PACS2: variants seen among roughly 807,000 people sequenced by gnomAD.
The protein encoded by PACS2 is phosphofurin acidic cluster sorting protein 2.
PACS2 carries 36 observed loss-of-function variants against 113.0 expected under a neutral mutation model. That is an observed-to-expected ratio of 0.32 (90% CI 0.24 to 0.42). The LOEUF (loss-of-function observed/expected upper bound fraction) is 0.42. PACS2 is among the 10% of genes least tolerant of loss of function. The pLI is 1.00. For missense variants in PACS2, 1,015 were observed against 1,239.5 expected, an observed-to-expected ratio of 0.82 and a Z score of 2.72; for synonymous variants, 589 against 536.1, an observed-to-expected ratio of 1.10 and a Z score of -1.36.
chr14:105,391,811 C>T (rs964817593), intron 22 of PACS2, 45 bp downstream of exon 22: 3 of 1,533,128 alleles, frequency 2.0e-6, no homozygotes, highest in African/African-American at 1.4e-5. Flanking sequence ...ACCCGCCCCA[C>T]CACATGCTGC....
In PACS2 at chr14:105,366,088, G is replaced by A. The variant is rs1020432328; in HGVS notation, c.424-1125G>A. ...TGGTCGGCTGGGCGTGGTGGCTCAC[G>A]CCTGTAATCCCAGCACTTTGGGAGG... On this transcript the variant is annotated intron_variant, in intron 4 of 24. Coordinates refer to ENST00000447393, the MANE Select transcript of PACS2 (RefSeq NM_001100913.3). This position sits in a 1 kb window ranked among gnomAD's most constrained non-coding sequence, Gnocchi z 4.3. 8.5e-5 allele frequency among the ~76,000 whole-genome samples: 13 copies of A among 152,208 alleles called. No homozygotes were observed. The highest frequency in any genetic ancestry group is 1.9e-4 in the Non-Finnish European group (13 of 68,026).
At position 105,357,559 on chromosome 14, in the gene PACS2, G is replaced by A. The variant is rs1288878130; in HGVS notation, c.423+2382G>A. Among the ~76,000 whole-genome samples the A allele has an allele frequency of 1.3e-5, 2 of 152,174 alleles. No individual in the cohort carries two copies. The highest frequency in any genetic ancestry group is 2.9e-5 in the Non-Finnish European group (2 of 68,038). On this transcript the variant is annotated intron_variant, in intron 4 of 24. Coordinates refer to ENST00000447393, the MANE Select transcript of PACS2 (RefSeq NM_001100913.3). This position sits in a 1 kb window ranked among gnomAD's most constrained non-coding sequence, Gnocchi z 5.1. The stretch of plus-strand genomic sequence containing the variant: ...GTTGGGTCCTCCCATGTGTCCCCGA[G>A]CACCAGGGCGGTTCATGGGCTCCCT...
At position 105,396,483 on chromosome 14, in the gene PACS2, CT is replaced by C. The variant is rs2081531750; in HGVS notation, c.*1812del. Reference sequence around the variant, plus strand: ...GCTGCAGAGCATCTGTTTTTCTGCTCTCCAGTTTCTTTTCTTTTTTTTTTTT... The same window carrying C: ...GCTGCAGAGCATCTGTTTTTCTGCTCCCAGTTTCTTTTCTTTTTTTTTTTT... On this transcript the variant is annotated 3_prime_UTR_variant, in exon 25 of 25. Transcript: ENST00000447393. The C allele has an allele frequency of 6.6e-6, 1 of 152,220 alleles. No homozygotes were observed. The highest frequency in any genetic ancestry group is 2.4e-5 in the African/African-American group (1 of 40,966). The allele number at this position is 152,220 out of a possible 1,614,324, so 9.4% of individuals were successfully genotyped here.
intron 24 of PACS2, chr14:105,394,154 G>A (rs1236316559): frequency 4.1e-6 from 4 of 981,466 alleles, no homozygotes; most frequent in Non-Finnish European, 4.8e-6. Context: ...CCTCCAGGTC[G>A]ACGTGGCCCT....
rs1350464599 is a variant in PACS2 at position 105,330,093 on chromosome 14, G to A, written c.119+15056G>A. Among the ~76,000 whole-genome samples the A allele has an allele frequency of 6.9e-6, 1 of 145,252 alleles. No homozygotes were observed. The highest frequency in any genetic ancestry group is 1.5e-5 in the Non-Finnish European group (1 of 65,790). ...CATGTGTGGGAAGGAACGGGGACAG[G>A]GAGCCTCCGAGAAGCCTGGGGTCCG... On this transcript the variant is annotated intron_variant, in intron 1 of 24. Coordinates refer to ENST00000447393, the MANE Select transcript of PACS2 (RefSeq NM_001100913.3). The surrounding 1 kb of genome is among the most constrained non-coding windows in gnomAD (Gnocchi z 6.9).
chr14:105,323,257 C>T lies in PACS2; in HGVS notation c.119+8220C>T, dbSNP rs978197536. On this transcript the variant is annotated intron_variant, in intron 1 of 24. Transcript: ENST00000447393. This position sits in a 1 kb window ranked among gnomAD's most constrained non-coding sequence, Gnocchi z 4.1. ...GGTTCTGCGCTATTCTCTCTCTCAC[C>T]TCTGGAGCAACAATTGGACGTGTTG... Among the ~76,000 whole-genome samples, 2 of 152,236 alleles carry T rather than the reference C, an allele frequency of 1.3e-5. No homozygotes were observed. The highest frequency in any genetic ancestry group is 2.4e-5 in the African/African-American group (1 of 41,462).
At chr14:105,385,777 G>T in intron 19 of PACS2, 60 bp downstream of exon 19, 1 of 1,112,404 alleles carries the variant, frequency 9.0e-7, no homozygotes, top group South Asian at 1.7e-5. Flanking sequence ...TTCAGGGCTT[G>T]TTTGGCAGAG....
At chr14:105,331,471 C>T (rs755223239) in intron 1 of PACS2, among the ~76,000 whole-genome samples, 8 of 152,142 alleles carry the variant, frequency 5.3e-5, no homozygotes, top group Non-Finnish European at 7.3e-5. Flanking sequence ...GGCTAGAGTG[C>T]AGTGGCATGA....
intron 11 of PACS2, among the ~76,000 whole-genome samples, 176 bp from the exon 12 acceptor site, chr14:105,380,781 G>T (rs939719053): frequency 6.6e-6 from 1 of 152,246 alleles, no homozygotes; most frequent in Admixed American, 6.5e-5. Context: ...TGGGAGCCCT[G>T]TGCTTGGAAT....
chr14:105,317,629 T>G lies in PACS2; in HGVS notation c.119+2592T>G, dbSNP rs1392680999. ...TTCCTTTGCCAGTTTTTTTTTCTCT[T>G]TTTTTCTGCTTGAGTTTCAGCAGTT... On this transcript the variant is annotated intron_variant, in intron 1 of 24. Transcript: ENST00000447393. The surrounding 1 kb of genome is among the most constrained non-coding windows in gnomAD (Gnocchi z 4.2). 1.3e-5 allele frequency among the ~76,000 whole-genome samples: 2 copies of G among 152,236 alleles called. No individual in the cohort carries two copies. The highest frequency in any genetic ancestry group is 3.2e-3 in the Middle Eastern group (1 of 316).
chr14:105,367,359 C>G lies in PACS2; in HGVS notation c.570C>G (p.Pro190=). 1 of 1,613,266 alleles carries G rather than the reference C, an allele frequency of 6.2e-7. No homozygotes were observed. Among genetic ancestry groups the G allele is most frequent in the Non-Finnish European group, 8.5e-7 (1 of 1,179,966 alleles). The part of the protein sequence containing the change: ...DHEDSTMQAG[P]KAKSTDNYSE... ...AAGACAGCACCATGCAGGCCGGCCC[C>G]AAGGCCAAGTCCACGGGTGAGTGTG... The change falls in exon 5 of 25, where the codon CCC becomes CCG. Residue 190 remains proline, a synonymous_variant. Transcript: ENST00000447393.
chr14:105,383,078 G>T, intron 15 of PACS2, 165 bp downstream of exon 15: 1 of 628,474 alleles, frequency 1.6e-6, no homozygotes, highest in Non-Finnish European at 2.8e-6. Flanking sequence ...CCTCCCCTCA[G>T]TTGTGGGCGG....
In PACS2 at chr14:105,385,805, C is replaced by T. The variant is rs374798898; in HGVS notation, c.2033+88C>T. 2.3e-4 allele frequency: 176 copies of T among 765,998 alleles called. No homozygotes were observed. In the African/African-American group the frequency reaches 2.7e-3, roughly 12 times the overall value. 47.5% of individuals were successfully genotyped at this position (765,998 alleles called of 1,614,324 possible). On this transcript the variant is annotated intron_variant, in intron 19 of 24. Transcript: ENST00000447393. ...TGGCAGAGTCACGTAGGAATCACCC[C>T]GCTGTCCTCTCTCCGGACTGGGAGT... is the stretch of plus-strand genomic sequence containing the variant.
At chr14:105,359,587 CTTTTTTTTTT>C (rs1162190552) in intron 4 of PACS2, among the ~76,000 whole-genome samples, 33 of 101,810 alleles carry the variant, frequency 3.2e-4, no homozygotes, top group African/African-American at 7.7e-4. Context: ...GTATTTCTTT[CTTTTTTTTTT>C]TTTTTTTTTT....
At chr14:105,333,753 G>A (rs1441362756) in intron 1 of PACS2, among the ~76,000 whole-genome samples, 1 of 152,202 alleles carries the variant, frequency 6.6e-6, no homozygotes, top group African/African-American at 2.4e-5. Context: ...GCTGGCAACC[G>A]GCCCGGCCTG....
chr14:105,391,701 G>A lies in PACS2; in HGVS notation c.2190G>A (p.Ala730=), dbSNP rs368303452. Reference sequence around the variant, plus strand: ...CCACCCCGCCGTCCGCATCTCCTGCGGCCAAGGAGGCCTCACCCACCCCGC... The same window carrying A: ...CCACCCCGCCGTCCGCATCTCCTGCAGCCAAGGAGGCCTCACCCACCCCGC... ...LSSTPPSASP[A]AKEASPTPPS... Residue 730 remains alanine, a synonymous_variant, in exon 22 of 25, where the codon GCG becomes GCA. Coordinates refer to ENST00000447393, the MANE Select transcript of PACS2 (RefSeq NM_001100913.3). The A allele has an allele frequency of 8.2e-5, 131 of 1,604,180 alleles. 1 individual carries two copies. In the African/African-American group the frequency reaches 1.0e-3, roughly 13 times the overall value.
Position 105,348,419 on chromosome 14 carries a change from G to A in PACS2, c.120-74G>A. 1 of 1,199,486 alleles carries A rather than the reference G, an allele frequency of 8.3e-7. No individual in the cohort carries two copies. The highest frequency in any genetic ancestry group is 2.3e-5 in the East Asian group (1 of 42,728). 74.3% of individuals were successfully genotyped at this position (1,199,486 alleles called of 1,614,324 possible). On this transcript the variant is annotated intron_variant, in intron 1 of 24. Transcript: ENST00000447393. This position sits in a 1 kb window ranked among gnomAD's most constrained non-coding sequence, Gnocchi z 6.4. ...GGGTGCAGGCTCCCGGGGTGACACAGTGCTGGGACGGCACAGGGCCGCGTC... is the reference window on the plus strand; with the variant it reads ...GGGTGCAGGCTCCCGGGGTGACACAATGCTGGGACGGCACAGGGCCGCGTC...
Position 105,330,449 on chromosome 14 carries a change from G to C in PACS2, c.119+15412G>C, listed in dbSNP as rs1037629370. On this transcript the variant is annotated intron_variant, in intron 1 of 24. Transcript: ENST00000447393. This position sits in a 1 kb window ranked among gnomAD's most constrained non-coding sequence, Gnocchi z 6.9. ...ATAGTGATGTCCTGCCTTAGACGAG[G>C]TCACACAGGGGAAGGTTACTGTGCC... Among the ~76,000 whole-genome samples, 1 of 152,214 alleles carries C rather than the reference G, an allele frequency of 6.6e-6. No homozygotes were observed. Among genetic ancestry groups the C allele is most frequent in the Admixed American group, 6.5e-5 (1 of 15,284 alleles).
chr14:105,393,532 A>T lies in PACS2; in HGVS notation c.2596+197A>T. 1.0e-5 allele frequency: 5 copies of T among 476,688 alleles called. No individual in the cohort carries two copies. In the South Asian group the frequency reaches 1.2e-4, roughly 11 times the overall value. 29.5% of individuals were successfully genotyped at this position (476,688 alleles called of 1,614,324 possible). ...AATGCTGAGAAAGAATTTTTTTTCA[A>T]CCCTTTTTGCTTTTTAAAAATAATG... On this transcript the variant is annotated intron_variant, in intron 24 of 24. Transcript: ENST00000447393.
Sources: allele counts gnomAD v4.1 joint callset (sites outside exome capture counted in the v4.1 genomes callset), GRCh38; gene constraint gnomAD v4.1.1; non-coding constraint Gnocchi (gnomAD v3.1); transcripts MANE v1.5; gene names NCBI Gene and HGNC (gene_info 2026-07-23, HGNC 2026-07-21).